TMEM131: variants seen among roughly 807,000 people sequenced by gnomAD.
TMEM131 encodes transmembrane protein 131, also known as 2610524E03Rik.
Under a neutral mutation model 211.6 loss-of-function variants are expected in TMEM131, and 66 were observed. The ratio of observed to expected loss-of-function variants is 0.31; its 90% CI spans 0.26 to 0.38. The LOEUF is 0.38. TMEM131 is among the 10% of genes least tolerant of loss of function. The pLI is 1.00. For missense variants in TMEM131, 2,036 were observed against 2,299.3 expected, an observed-to-expected ratio of 0.89 and a Z score of 2.34; for synonymous variants, 844 against 841.3, an observed-to-expected ratio of 1.00 and a Z score of -0.06.
At chr2:97,837,050 A>G in intron 8 of TMEM131, 27 bp downstream of exon 8, 2 of 1,596,462 alleles carry the variant, frequency 1.3e-6, no homozygotes, top group Non-Finnish European at 1.7e-6. Flanking sequence ...GGGAGCACAC[A>G]CAAGAGAAAA....
At chr2:97,789,587 G>A (rs771915458) in intron 31 of TMEM131, among the ~76,000 whole-genome samples, 4 of 152,196 alleles carry the variant, frequency 2.6e-5, no homozygotes, top group Non-Finnish European at 5.9e-5. Context: ...ATGGCAGAAC[G>A]TGGCCTCAGG....
At chr2:97,915,109 T>G (rs2104396018) in intron 2 of TMEM131, among the ~76,000 whole-genome samples, 1 of 152,292 alleles carries the variant, frequency 6.6e-6, no homozygotes, top group Admixed American at 6.5e-5. Context: ...GTTGAACAGG[T>G]TTTCATGTCG....
At chr2:97,995,045 T>C (rs1405063531) in intron 1 of TMEM131, among the ~76,000 whole-genome samples, 2 of 152,364 alleles carry the variant, frequency 1.3e-5, no homozygotes, top group African/African-American at 4.8e-5. Flanking sequence ...AAGAAATGTC[T>C]GAACAAATTC....
At chr2:97,825,768 T>C (rs1238072366) in intron 11 of TMEM131, among the ~76,000 whole-genome samples, 1 of 152,230 alleles carries the variant, frequency 6.6e-6, no homozygotes, top group Non-Finnish European at 1.5e-5. Context: ...ACTGATGTAG[T>C]AGCAAAAGGC....
intron 1 of TMEM131, among the ~76,000 whole-genome samples, chr2:97,938,877 C>A: frequency 6.6e-6 from 1 of 152,178 alleles, no homozygotes. Context: ...AAGAAACTCA[C>A]TCAAAACCGC....
intron 2 of TMEM131, among the ~76,000 whole-genome samples, chr2:97,924,741 T>G (rs1377179986): frequency 1.3e-5 from 2 of 152,160 alleles, no homozygotes; most frequent in African/African-American, 4.8e-5. Flanking sequence ...TTTTGAGGAC[T>G]TTGGCCAAGG....
At chr2:97,832,701 C>T (rs895595065) in intron 11 of TMEM131, among the ~76,000 whole-genome samples, 16 of 152,204 alleles carry the variant, frequency 1.1e-4, no homozygotes, top group Non-Finnish European at 1.5e-5. Flanking sequence ...ATAATGATTA[C>T]ACATGTATAT....
chr2:97,794,527 T>A (rs964105382), intron 29 of TMEM131, among the ~76,000 whole-genome samples: 4 of 152,224 alleles, frequency 2.6e-5, no homozygotes, highest in Non-Finnish European at 4.4e-5. Context: ...GGTGAATTTA[T>A]CTGACTCTTG....
At position 97,774,316 on chromosome 2, in the gene TMEM131, T is replaced by C. The variant is rs1444266979; in HGVS notation, c.4320+1527A>G. ...GCCTGGCACGTGGGTGCTCAATTCC[T>C]ATGTGTTGACTGAATGGGTAGAACA... On this transcript the variant is annotated intron_variant, in intron 32 of 40. Coordinates refer to ENST00000186436, the MANE Select transcript of TMEM131 (RefSeq NM_015348.2). Among the ~76,000 whole-genome samples, 7 of 152,244 alleles carry C rather than the reference T, an allele frequency of 4.6e-5. No homozygotes were observed. In the East Asian group the frequency reaches 1.3e-3, roughly 29 times the overall value.
At position 97,942,793 on chromosome 2, in the gene TMEM131, C is replaced by T. The variant is rs564564855; in HGVS notation, c.188-15306G>A. On this transcript the variant is annotated intron_variant, in intron 1 of 40. Transcript: ENST00000186436. ...CTAAACATTTAAAGAAGAATTAAAA[C>T]ATATCCTTCACAAGCTTTTTTTAAA... 3.3e-5 allele frequency among the ~76,000 whole-genome samples: 5 copies of T among 151,930 alleles called. No individual in the cohort carries two copies. The South Asian group carries it at 1.0e-3, about 32-fold the overall frequency.
chr2:97,877,044 A>C (rs1674726325), intron 4 of TMEM131, among the ~76,000 whole-genome samples: 1 of 152,192 alleles, frequency 6.6e-6, no homozygotes, highest in Admixed American at 6.5e-5. Flanking sequence ...ACTCAGAAGC[A>C]TTCCTATACA....
chr2:97,932,985 G>A lies in TMEM131; in HGVS notation c.188-5498C>T, dbSNP rs899220123. On this transcript the variant is annotated intron_variant, in intron 1 of 40. Transcript: ENST00000186436. ...TACCCTTTTCTATGTTTAGATACACGAAAACTTGCCATTGTGTTACAACTG... is the reference window on the plus strand; with the variant it reads ...TACCCTTTTCTATGTTTAGATACACAAAAACTTGCCATTGTGTTACAACTG... Among the ~76,000 whole-genome samples, 6 of 152,104 alleles carry A rather than the reference G, an allele frequency of 3.9e-5. 1 individual carries two copies. The highest frequency in any genetic ancestry group is 1.2e-4 in the African/African-American group (5 of 41,434).
At chr2:97,984,943 A>C (rs1679960806) in intron 1 of TMEM131, among the ~76,000 whole-genome samples, 2 of 152,144 alleles carry the variant, frequency 1.3e-5, no homozygotes, top group African/African-American at 2.4e-5. Flanking sequence ...GAGGGAAAAC[A>C]GACATGGGTA....
In TMEM131 at chr2:97,794,062, C is replaced by T. The variant is rs562994717; in HGVS notation, c.3387-509G>A. 1.8e-4 allele frequency among the ~76,000 whole-genome samples: 25 copies of T among 137,728 alleles called. No individual in the cohort carries two copies. The East Asian group carries it at 3.0e-3, about 17-fold the overall frequency. 90.4% of individuals were successfully genotyped at this position (137,728 alleles called of 152,430 possible). A position where few individuals can be genotyped will look rare whatever the true frequency, so the allele number is the denominator to read the frequency against. ...GATAAAAGTTTGCACATCAGTTTTT[C>T]TCTTTCTTTCTTTTTTTTCCTGAGA... On this transcript the variant is annotated intron_variant, in intron 29 of 40. Transcript: ENST00000186436.
chr2:97,855,668 C>G (rs1021084944), intron 5 of TMEM131, among the ~76,000 whole-genome samples: 2 of 150,932 alleles, frequency 1.3e-5, no homozygotes, highest in Admixed American at 1.3e-4. Context: ...CCACTGCACT[C>G]CAGCCTGGGT....
intron 11 of TMEM131, among the ~76,000 whole-genome samples, chr2:97,830,847 A>C (rs1167215611): frequency 6.6e-6 from 1 of 152,210 alleles, no homozygotes; most frequent in East Asian, 1.9e-4. Flanking sequence ...CTATATTTAG[A>C]AAGAGAATGA....
intron 38 of TMEM131, 49 bp downstream of exon 38, chr2:97,760,544 A>C: frequency 6.5e-7 from 1 of 1,542,760 alleles, no homozygotes; most frequent in Non-Finnish European, 8.8e-7. Context: ...TGCTAACCCG[A>C]CTTGAGAAGC....
At chr2:97,871,334 A>G (rs1674481434) in intron 4 of TMEM131, among the ~76,000 whole-genome samples, 1 of 152,206 alleles carries the variant, frequency 6.6e-6, no homozygotes, top group South Asian at 2.1e-4. Flanking sequence ...TAACTTTGGG[A>G]GGAATTTAGT....
chr2:97,958,279 AC>A (rs112936063), intron 1 of TMEM131, among the ~76,000 whole-genome samples: 1 of 152,092 alleles, frequency 6.6e-6, no homozygotes, highest in African/African-American at 2.4e-5. Context: ...CCAAGGTCAA[AC>A]TTCTGGCAAG....
Sources: gnomAD v4.1 joint callset for allele counts (sites outside exome capture counted in the v4.1 genomes callset) on GRCh38, gnomAD v4.1.1 for gene constraint, MANE v1.5 for transcripts, NCBI Gene and HGNC (gene_info 2026-07-23, HGNC 2026-07-21) for gene names.